Variants in FOXJ3 observed in about 807,000 individuals in gnomAD.
FOXJ3 encodes the protein forkhead box J3.
In FOXJ3, 22 loss-of-function variants were observed where a neutral mutation model predicts 76.1. The observed-to-expected ratio is 0.29, with a 90% confidence interval of 0.21 to 0.41. The LOEUF (loss-of-function observed/expected upper bound fraction) is 0.41, where lower values mean the gene tolerates loss of function less well. Ranked by LOEUF, FOXJ3 falls within the 10% of genes least tolerant of loss-of-function variation. The pLI is 1.00. For missense variants in FOXJ3, 613 were observed against 762.1 expected (o/e 0.80, Z 2.30); for synonymous variants, 269 against 261.2 (o/e 1.03, Z -0.29).
At chr1:42,248,438 G>A (rs923408147) in intron 4 of FOXJ3, among the ~76,000 whole-genome samples, 2 of 151,868 alleles carry the variant, frequency 1.3e-5, no homozygotes, top group Non-Finnish European at 2.9e-5. Context: ...GGAGGCTGAG[G>A]CAGGAGAATG....
intron 2 of FOXJ3, among the ~76,000 whole-genome samples, chr1:42,309,050 C>A (rs1408281645): frequency 6.8e-6 from 1 of 147,866 alleles, no homozygotes; most frequent in East Asian, 2.0e-4. Flanking sequence ...GATAGTCAGC[C>A]TTGACTTGTG....
At chr1:42,181,157 G>A (rs1032343618) in intron 12 of FOXJ3, among the ~76,000 whole-genome samples, 8 of 152,160 alleles carry the variant, frequency 5.3e-5, no homozygotes, top group South Asian at 2.1e-4. Flanking sequence ...GAAAAACAAC[G>A]GACTCTGAAT....
At chr1:42,191,745 G>C (rs753251379) in intron 8 of FOXJ3, 26 bp from the exon 9 acceptor site, 8 of 1,597,182 alleles carry the variant, frequency 5.0e-6, no homozygotes, top group African/African-American at 2.7e-5. Flanking sequence ...GATCATTTAT[G>C]GTCAGATTTC....
At position 42,191,409 on chromosome 1, in the gene FOXJ3, G is replaced by A; in HGVS notation, c.1245C>T (p.Pro415=). The A allele has an allele frequency of 2.5e-6, 4 of 1,609,856 alleles. No individual in the cohort carries two copies. The highest frequency in any genetic ancestry group is 3.4e-6 in the Non-Finnish European group (4 of 1,176,374). Reference sequence around the variant, plus strand: ...TGTGTTGATGTGGAGAGGGATGCTGGGGGTGAGGGGACTGGAGCTGGCTGT... The same window carrying A: ...TGTGTTGATGTGGAGAGGGATGCTGAGGGTGAGGGGACTGGAGCTGGCTGT... ...QQHSQLQSPH[P]QHPSPHQHIQ... Residue 415 remains proline (P), a synonymous_variant, in exon 9 of 13, where the codon CCC becomes CCT. Transcript: ENST00000361346.
chr1:42,331,831 A>T (rs980691044), intron 1 of FOXJ3, among the ~76,000 whole-genome samples: 2 of 126,036 alleles, frequency 1.6e-5, no homozygotes, highest in African/African-American at 6.8e-5. Context: ...AGCTTTTTTA[A>T]AAAAAAAAAA....
chr1:42,244,581 C>T (rs1464900796), intron 4 of FOXJ3, among the ~76,000 whole-genome samples: 1 of 151,470 alleles, frequency 6.6e-6, no homozygotes, highest in Non-Finnish European at 1.5e-5. Context: ...TTAAAAAATA[C>T]AAACTGTCAA....
rs771452862 is a variant in FOXJ3, at chr1:42,283,356, C to T, written c.45-4684G>A. 3.3e-5 allele frequency among the ~76,000 whole-genome samples: 5 copies of T among 152,086 alleles called. No individual in the cohort carries two copies. The East Asian group carries it at 7.7e-4, about 23-fold the overall frequency. The stretch of plus-strand genomic sequence containing the variant: ...AACAACTCAAAACTGAGTCATAACA[C>T]GGGGGTTTTAATCCCACTTTATGAA... On this transcript the variant is annotated intron_variant, in intron 2 of 12. Transcript: ENST00000361346.
chr1:42,305,076 G>A (rs1358446195), intron 2 of FOXJ3, among the ~76,000 whole-genome samples: 2 of 152,062 alleles, frequency 1.3e-5, no homozygotes, highest in Non-Finnish European at 2.9e-5. Flanking sequence ...TTTTTAAAAT[G>A]GGCAAAAGAT....
Position 42,330,459 on chromosome 1 carries a change from G to A in FOXJ3, c.-18+4600C>T, listed in dbSNP as rs573223254. Among the ~76,000 whole-genome samples the A allele has an allele frequency of 1.4e-4, 22 of 152,198 alleles. No individual in the cohort carries two copies. The South Asian group carries it at 3.3e-3, about 23-fold the overall frequency. On this transcript the variant is annotated intron_variant, in intron 1 of 12. Coordinates refer to ENST00000361346, the MANE Select transcript of FOXJ3 (RefSeq NM_014947.5). ...TAGCGACCAGCCTGGGCAACATAGC[G>A]AAACCACTTCTCTACAAAAAATACA...
chr1:42,288,151 T>C (rs951473087), intron 2 of FOXJ3, among the ~76,000 whole-genome samples: 9 of 152,238 alleles, frequency 5.9e-5, no homozygotes, highest in Non-Finnish European at 1.3e-4. Flanking sequence ...ATATTGTATT[T>C]TGCATTTAAA....
rs1351865390 is a variant in FOXJ3, at chr1:42,324,157, C to A, written c.-18+10902G>T. On this transcript the variant is annotated intron_variant, in intron 1 of 12. Coordinates refer to ENST00000361346, the MANE Select transcript of FOXJ3 (RefSeq NM_014947.5). ...ATACAGTATATATACTATATATACACTGTGTATATATAGTATATATAAATT... is the reference window on the plus strand; with the variant it reads ...ATACAGTATATATACTATATATACAATGTGTATATATAGTATATATAAATT... 5.4e-4 allele frequency among the ~76,000 whole-genome samples: 71 copies of A among 131,182 alleles called. 2 individuals are homozygous for A. The highest frequency in any genetic ancestry group is 7.7e-4 in the Non-Finnish European group (48 of 62,352). 86.1% of individuals were successfully genotyped at this position (131,182 alleles called of 152,430 possible).
chr1:42,215,164 C>CA lies in FOXJ3; in HGVS notation c.529-9302dup, dbSNP rs1391504494. Among the ~76,000 whole-genome samples the CA allele has an allele frequency of 4.6e-5, 7 of 151,876 alleles. No individual in the cohort carries two copies. The South Asian group carries it at 1.0e-3, about 23-fold the overall frequency. ...AAGGGAAATCTACAGATGCCCACTC[C>CA]AAAAAAGACTGAGTTGCTGGAATTA... On this transcript the variant is annotated intron_variant, in intron 5 of 12. Transcript: ENST00000361346.
In FOXJ3 at chr1:42,177,531, C is replaced by G. The variant is rs1375713112; in HGVS notation, c.*2179G>C. 2 of 152,600 alleles carry G rather than the reference C, an allele frequency of 1.3e-5. No individual in the cohort carries two copies. The highest frequency in any genetic ancestry group is 1.5e-5 in the Non-Finnish European group (1 of 68,028). The allele number at this position is 152,600 out of a possible 1,614,324, so 9.5% of individuals were successfully genotyped here. On this transcript the variant is annotated 3_prime_UTR_variant, in exon 13 of 13. Coordinates refer to ENST00000361346, the MANE Select transcript of FOXJ3 (RefSeq NM_014947.5). ...TTTTTTCAAGCATTTACTCTGCAGG[C>G]TGCCATCTCATCTTGCCTCTGATCC...
At chr1:42,258,156 C>T (rs763290712) in intron 4 of FOXJ3, among the ~76,000 whole-genome samples, 1 of 152,202 alleles carries the variant, frequency 6.6e-6, no homozygotes, top group Non-Finnish European at 1.5e-5. Context: ...ATATTCATCT[C>T]AGGAGCTGGA....
chr1:42,206,147 C>G (rs1428566586), intron 5 of FOXJ3: 1 of 338,452 alleles, frequency 3.0e-6, no homozygotes, highest in African/African-American at 2.2e-5. Context: ...GCTAATGATC[C>G]CCTAATATCC....
chr1:42,212,145 T>C (rs1205074247), intron 5 of FOXJ3, among the ~76,000 whole-genome samples: 1 of 152,122 alleles, frequency 6.6e-6, no homozygotes, highest in Non-Finnish European at 1.5e-5. Flanking sequence ...TCCCAGCTAC[T>C]CAGGAGGCTG....
In FOXJ3 at chr1:42,188,816, T is replaced by C; in HGVS notation, c.1566A>G (p.Ile522Met). Reference sequence around the variant, plus strand: ...TTTGTTGAACATTACTCTGTGAATGTATAAGGCCAGTTTGTGTAAAGAACT... The same window carrying C: ...TTTGTTGAACATTACTCTGTGAATGCATAAGGCCAGTTTGTGTAAAGAACT... ...LNQFFTQTGL[I>M]HSQSNVQQNV... The change falls in exon 11 of 13, where the codon ATA (isoleucine) becomes ATG (methionine). Residue 522 changes from isoleucine (I) to methionine (M), a missense_variant. By Grantham distance (10) the Ile-to-Met change is conservative. Coordinates refer to ENST00000361346, the MANE Select transcript of FOXJ3 (RefSeq NM_014947.5). 1 of 1,613,404 alleles carries C rather than the reference T, an allele frequency of 6.2e-7. No homozygotes were observed. The highest frequency in any genetic ancestry group is 1.7e-5 in the Admixed American group (1 of 59,940).
chr1:42,223,445 G>A (rs1259497343), intron 5 of FOXJ3, among the ~76,000 whole-genome samples: 3 of 152,166 alleles, frequency 2.0e-5, no homozygotes, highest in African/African-American at 7.2e-5. Context: ...TCCAGCCTAA[G>A]TTCTTCACAA....
rs1389072721 is a variant in FOXJ3, at chr1:42,318,497, A to T, written c.-17-7387T>A. The stretch of plus-strand genomic sequence containing the variant: ...GCTGGGATTACAGGCATGCACCACC[A>T]TGTCTGGCTAATTTTTTTTGTATTT... On this transcript the variant is annotated intron_variant, in intron 1 of 12. Coordinates refer to ENST00000361346, the MANE Select transcript of FOXJ3 (RefSeq NM_014947.5). 2.0e-5 allele frequency among the ~76,000 whole-genome samples: 3 copies of T among 152,012 alleles called. No homozygotes were observed. The East Asian group carries it at 5.8e-4, about 29-fold the overall frequency.
Sources: gnomAD v4.1 joint callset for allele counts (sites outside exome capture counted in the v4.1 genomes callset) on GRCh38, gnomAD v4.1.1 for gene constraint, MANE v1.5 for transcripts, NCBI Gene and HGNC (gene_info 2026-07-23, HGNC 2026-07-21) for gene names.